BNC2: variants seen among roughly 807,000 people sequenced by gnomAD.
BNC2 encodes the protein basonuclin zinc finger protein 2.
A neutral mutation model predicts 76.3 loss-of-function variants in BNC2; 20 were observed. That is an observed-to-expected ratio of 0.26 (90% CI 0.18 to 0.38). The LOEUF is 0.38. Among genes scored for constraint, BNC2 ranks in the 10% least tolerant of loss-of-function variants. The probability of loss-of-function intolerance (pLI) is 1.00; values close to 1 mark genes in which losing one functional copy is unlikely to be tolerated. For missense variants in BNC2, 1,382 were observed against 1,399.8 expected, an observed-to-expected ratio of 0.99 and a Z score of 0.20; for synonymous variants, 582 against 514.8, an observed-to-expected ratio of 1.13 and a Z score of -1.77.
rs142260254 is a variant in BNC2 at position 16,737,772 on chromosome 9, G to A, written c.129+588C>T. 4.3e-3 allele frequency among the ~76,000 whole-genome samples: 660 copies of A among 152,168 alleles called. 1 individual carries two copies. Among genetic ancestry groups the A allele is most frequent in the African/African-American group, 0.015 (618 of 41,512 alleles). Reference sequence around the variant, plus strand: ...CCTATTAATGGCAAGTTAAAAATACGAAGACTTAACAGGTCCCTTAGAAGA... The same window carrying A: ...CCTATTAATGGCAAGTTAAAAATACAAAGACTTAACAGGTCCCTTAGAAGA... On this transcript the variant is annotated intron_variant, in intron 2 of 6. Transcript: ENST00000380672.
At chr9:16,850,522 C>G (rs1819103966) in intron 1 of BNC2, among the ~76,000 whole-genome samples, 1 of 152,154 alleles carries the variant, frequency 6.6e-6, no homozygotes, top group African/African-American at 2.4e-5. Flanking sequence ...TCTGTAAATA[C>G]TTCTAGGGCC....
rs774686837 is a variant in BNC2, at chr9:16,418,948, C to G, written c.*41G>C. ...GACTATGGCAGTTCAAACACGTAGG[C>G]CATCTGGTGAGAGCTGGCATTTGTA... On this transcript the variant is annotated 3_prime_UTR_variant, in exon 7 of 7. Transcript: ENST00000380672. 7.5e-6 allele frequency: 12 copies of G among 1,609,750 alleles called. No homozygotes were observed. The highest frequency in any genetic ancestry group is 9.4e-6 in the Non-Finnish European group (11 of 1,176,422).
At chr9:16,860,741 A>G (rs1429212688) in intron 1 of BNC2, among the ~76,000 whole-genome samples, 4 of 152,212 alleles carry the variant, frequency 2.6e-5, no homozygotes, top group Admixed American at 6.5e-5. Flanking sequence ...GGCACCATCA[A>G]AAAGTCAAAA....
intron 1 of BNC2, among the ~76,000 whole-genome samples, chr9:16,837,966 C>T (rs1384264080): frequency 1.3e-5 from 2 of 151,908 alleles, no homozygotes. Context: ...TTCACTTTTG[C>T]TCTGCTTTCT....
intron 4 of BNC2, among the ~76,000 whole-genome samples, chr9:16,555,042 C>T (rs1432523741): frequency 7.2e-6 from 1 of 138,478 alleles, no homozygotes; most frequent in Non-Finnish European, 1.5e-5. Flanking sequence ...TTTTTTAAGA[C>T]GGAGTCTCGC....
chr9:16,527,511 CACAA>C (rs1236595314), intron 5 of BNC2, among the ~76,000 whole-genome samples: 1 of 152,154 alleles, frequency 6.6e-6, no homozygotes, highest in Non-Finnish European at 1.5e-5. Flanking sequence ...AGCCCACCAA[CACAA>C]CTTCCTACAA....
At chr9:16,797,767 C>A (rs1374133475) in intron 1 of BNC2, among the ~76,000 whole-genome samples, 2 of 152,072 alleles carry the variant, frequency 1.3e-5, no homozygotes, top group African/African-American at 4.8e-5. Flanking sequence ...CATATCCCCA[C>A]CAAAAGTTGC....
intron 3 of BNC2, among the ~76,000 whole-genome samples, chr9:16,673,712 T>C (rs574833928): frequency 6.6e-6 from 1 of 152,336 alleles, no homozygotes; most frequent in African/African-American, 2.4e-5. Flanking sequence ...CCAAATAAGT[T>C]TGATTTATAT....
chr9:16,468,158 G>A (rs191049885), intron 5 of BNC2, among the ~76,000 whole-genome samples: 23 of 147,300 alleles, frequency 1.6e-4, no homozygotes, highest in African/African-American at 5.0e-4. Flanking sequence ...TTCCTGCCTC[G>A]ACCCTCCAAA....
At position 16,861,181 on chromosome 9, in the gene BNC2, A is replaced by AATATATATATAT. The variant is rs71327866; in HGVS notation, c.3+9453_3+9464dup. 9.1e-4 allele frequency among the ~76,000 whole-genome samples: 120 copies of AATATATATATAT among 131,760 alleles called. 5 individuals are homozygous for AATATATATATAT. Among genetic ancestry groups the AATATATATATAT allele is most frequent in the African/African-American group, 1.4e-3 (46 of 32,124 alleles). The allele number at this position is 131,760 out of a possible 152,430, so 86.4% of individuals were successfully genotyped here. ...ACATGGTAATACCCTATCTCTACAA[A>AATATATATATAT]ATATATATATATATATATATAAATT... On this transcript the variant is annotated intron_variant, in intron 1 of 6. Coordinates refer to ENST00000380672, the MANE Select transcript of BNC2 (RefSeq NM_017637.6).
At chr9:16,811,552 CAAAAAAAAAA>C (rs1179927173) in intron 1 of BNC2, among the ~76,000 whole-genome samples, 5 of 58,040 alleles carry the variant, frequency 8.6e-5, no homozygotes, top group South Asian at 8.4e-4. Context: ...AACTCCATCT[CAAAAAAAAAA>C]AAAAAAAAAA....
intron 3 of BNC2, among the ~76,000 whole-genome samples, chr9:16,713,495 A>C (rs2134754530): frequency 6.8e-6 from 1 of 146,962 alleles, no homozygotes; most frequent in South Asian, 2.2e-4. Context: ...ACTATGGCAA[A>C]GTGACATGCT....
chr9:16,566,353 A>C (rs1210092136), intron 4 of BNC2, among the ~76,000 whole-genome samples: 1 of 152,158 alleles, frequency 6.6e-6, no homozygotes, highest in Non-Finnish European at 1.5e-5. Flanking sequence ...GTATGATTCC[A>C]CCATGCCACC....
At chr9:16,524,179 A>G in intron 5 of BNC2, among the ~76,000 whole-genome samples, 1 of 152,218 alleles carries the variant, frequency 6.6e-6, no homozygotes, top group East Asian at 1.9e-4. Context: ...AATGACAAGG[A>G]AACCAGTAGC....
chr9:16,858,398 C>G (rs551100273), intron 1 of BNC2, among the ~76,000 whole-genome samples: 18 of 152,062 alleles, frequency 1.2e-4, no homozygotes, highest in African/African-American at 4.1e-4. Context: ...TTTCTTGTCC[C>G]CTGGAGTACT....
chr9:16,470,180 G>C (rs1208701717), intron 5 of BNC2, among the ~76,000 whole-genome samples: 1 of 151,652 alleles, frequency 6.6e-6, no homozygotes, highest in Non-Finnish European at 1.5e-5. Context: ...TATATTTTTA[G>C]TATAGATGGG....
intron 5 of BNC2, among the ~76,000 whole-genome samples, chr9:16,546,438 A>G (rs1176412438): frequency 6.6e-6 from 1 of 152,180 alleles, no homozygotes; most frequent in Non-Finnish European, 1.5e-5. Flanking sequence ...ATCCCTGCAC[A>G]TGGTATAGCT....
rs141205501 is a variant in BNC2 at position 16,555,031 on chromosome 9, A to ATTATTTTTT, written c.434-2267_434-2266insAAAAAATAA. ...AAGGTTGGTTGTTTTATTTTGTATT[A>ATTATTTTTT]TTTTTTAAGACGGAGTCTCGCTCTG... is the stretch of plus-strand genomic sequence containing the variant. On this transcript the variant is annotated intron_variant, in intron 4 of 6. Transcript: ENST00000380672. 2.6e-5 allele frequency among the ~76,000 whole-genome samples: 4 copies of ATTATTTTTT among 151,384 alleles called. 1 individual carries two copies. The highest frequency in any genetic ancestry group is 9.8e-5 in the African/African-American group (4 of 40,840).
chr9:16,729,516 C>T (rs1212319275), intron 2 of BNC2, among the ~76,000 whole-genome samples: 1 of 151,768 alleles, frequency 6.6e-6, no homozygotes, highest in African/African-American at 2.4e-5. Flanking sequence ...CCCTCTAGAA[C>T]CGACATCTCC....
Sources: gnomAD v4.1 joint callset for allele counts (sites outside exome capture counted in the v4.1 genomes callset) on GRCh38, gnomAD v4.1.1 for gene constraint, MANE v1.5 for transcripts, NCBI Gene and HGNC (gene_info 2026-07-23, HGNC 2026-07-21) for gene names.